The following PRKCA variants were observed in gnomAD, a reference collection of about 807,000 sequenced individuals.
PRKCA encodes protein kinase C alpha type.
A neutral mutation model predicts 87.0 loss-of-function variants in PRKCA; 27 were observed. The ratio of observed to expected loss-of-function variants is 0.31; its 90% CI spans 0.23 to 0.43. The LOEUF (loss-of-function observed/expected upper bound fraction) is 0.43, where lower values mean the gene tolerates loss of function less well. PRKCA is among the 20% of genes least tolerant of loss of function. The pLI, the probability that PRKCA is intolerant of heterozygous loss-of-function variation, is 1.00. For synonymous variants in PRKCA, 329 were observed against 311.1 expected (o/e 1.06, Z -0.61); for missense variants, 518 against 852.3 (o/e 0.61, Z 4.88).
intron 16 of PRKCA, 64 bp downstream of exon 16, chr17:66,789,043 T>G (rs1197762771): frequency 2.5e-5 from 40 of 1,587,142 alleles, no homozygotes; most frequent in Non-Finnish European, 3.3e-5. Context: ...AGTATCCCAC[T>G]CACCTCTTTT....
At chr17:66,468,961 C>T (rs534511877) in intron 2 of PRKCA, among the ~76,000 whole-genome samples, 1 of 152,308 alleles carries the variant, frequency 6.6e-6, no homozygotes, top group South Asian at 2.1e-4. Flanking sequence ...CCTTCTGGGC[C>T]ACCACTTTCA....
intron 3 of PRKCA, among the ~76,000 whole-genome samples, chr17:66,575,535 G>A (rs1019203373): frequency 7.9e-5 from 12 of 152,126 alleles, no homozygotes; most frequent in Non-Finnish European, 1.3e-4. Flanking sequence ...AGCCGAGATC[G>A]CATCCTTGCA....
chr17:66,452,415 C>A (rs1914371336), intron 2 of PRKCA, among the ~76,000 whole-genome samples: 2 of 152,142 alleles, frequency 1.3e-5, no homozygotes, highest in Admixed American at 1.3e-4. Context: ...GAAGACAGAA[C>A]TAGGGAAGAA....
At chr17:66,736,196 A>G (rs1217598561) in intron 10 of PRKCA, among the ~76,000 whole-genome samples, 1 of 150,124 alleles carries the variant, frequency 6.7e-6, no homozygotes, top group Non-Finnish European at 1.5e-5. Flanking sequence ...TTCAGCAAAC[A>G]TTTCCATGAA....
chr17:66,392,153 C>A (rs1390100498), intron 2 of PRKCA, among the ~76,000 whole-genome samples: 2 of 151,752 alleles, frequency 1.3e-5, no homozygotes, highest in Non-Finnish European at 2.9e-5. Context: ...TGGTGTGAAC[C>A]CGGGAGGCGG....
chr17:66,735,408 C>T (rs879529450), intron 9 of PRKCA, 81 bp from the exon 10 acceptor site: 13 of 1,441,806 alleles, frequency 9.0e-6, no homozygotes, highest in East Asian at 2.3e-5. Flanking sequence ...GTCACTGAGC[C>T]GTCACCTGGC....
intron 2 of PRKCA, among the ~76,000 whole-genome samples, chr17:66,344,272 C>T (rs1011405112): frequency 6.6e-6 from 1 of 152,218 alleles, no homozygotes. Context: ...CATTCAGTCT[C>T]TTAATTCCTT....
intron 3 of PRKCA, among the ~76,000 whole-genome samples, chr17:66,500,839 A>G (rs1173014095): frequency 6.6e-6 from 1 of 152,228 alleles, no homozygotes; most frequent in Non-Finnish European, 1.5e-5. Flanking sequence ...CCAATAAAAA[A>G]TGCCTGCTGG....
intron 2 of PRKCA, among the ~76,000 whole-genome samples, chr17:66,461,074 T>C (rs2319527): frequency 0.48 from 72,095 of 151,578 alleles, 18,336 homozygotes; most frequent in African/African-American, 0.65. Flanking sequence ...GGTGTGATAG[T>C]ACACGCCTGT....
chr17:66,710,880 A>C (rs1228120720), intron 8 of PRKCA, among the ~76,000 whole-genome samples: 1 of 151,718 alleles, frequency 6.6e-6, no homozygotes, highest in Non-Finnish European at 1.5e-5. Context: ...AAAACAAAAA[A>C]AAAAATACAA....
intron 3 of PRKCA, among the ~76,000 whole-genome samples, chr17:66,537,183 T>C (rs1317060415): frequency 6.6e-6 from 1 of 152,196 alleles, no homozygotes; most frequent in Non-Finnish European, 1.5e-5. Context: ...AAAACCACGG[T>C]ATTTCAGTCC....
At chr17:66,514,888 T>C (rs1198965499) in intron 3 of PRKCA, among the ~76,000 whole-genome samples, 2 of 152,166 alleles carry the variant, frequency 1.3e-5, no homozygotes, top group African/African-American at 4.8e-5. Flanking sequence ...TTCTGGTTTA[T>C]CTGGATGGTT....
chr17:66,596,571 CTTTTTTTTT>C (rs10582567), intron 3 of PRKCA, among the ~76,000 whole-genome samples: 1 of 113,872 alleles, frequency 8.8e-6, no homozygotes, highest in Admixed American at 9.5e-5. Flanking sequence ...AATATTAAAC[CTTTTTTTTT>C]TTTTTTTTTT....
Position 66,496,556 on chromosome 17 carries a change from C to T in PRKCA, c.288+273C>T, listed in dbSNP as rs184177153. Among the ~76,000 whole-genome samples, 971 of 152,304 alleles carry T rather than the reference C, an allele frequency of 6.4e-3. 30 individuals are homozygous for T. Among genetic ancestry groups the T allele is most frequent in the Admixed American group, 0.055 (841 of 15,286 alleles). On this transcript the variant is annotated intron_variant, in intron 3 of 16. Transcript: ENST00000413366. Reference sequence around the variant, plus strand: ...AAATCCACCAAATTTATTGTAATAGCTTTCACAAACACAATGCAGTTGTTG... The same window carrying T: ...AAATCCACCAAATTTATTGTAATAGTTTTCACAAACACAATGCAGTTGTTG...
chr17:66,602,645 G>A (rs979105316), intron 3 of PRKCA, among the ~76,000 whole-genome samples: 1 of 152,224 alleles, frequency 6.6e-6, no homozygotes, highest in Non-Finnish European at 1.5e-5. Context: ...TGTATTATGA[G>A]GGATGTTGTA....
Position 66,804,947 on chromosome 17 carries a change from T to C in PRKCA, c.*910T>C, listed in dbSNP as rs985895201. On this transcript the variant is annotated 3_prime_UTR_variant, in exon 17 of 17. Transcript: ENST00000413366. Reference sequence around the variant, plus strand: ...CACACCAACATTTTGCTGCCTACCTTGTTATCCTTCTCAAGAAGCTGAAGT... The same window carrying C: ...CACACCAACATTTTGCTGCCTACCTCGTTATCCTTCTCAAGAAGCTGAAGT... The C allele has an allele frequency of 2.1e-6, 2 of 973,232 alleles. No individual in the cohort carries two copies. Among genetic ancestry groups the C allele is most frequent in the South Asian group, 4.8e-5 (1 of 21,022 alleles). The allele number at this position is 973,232 out of a possible 1,614,324, so 60.3% of individuals were successfully genotyped here.
intron 13 of PRKCA, among the ~76,000 whole-genome samples, chr17:66,742,962 A>G (rs1215305599): frequency 3.3e-5 from 5 of 152,228 alleles, no homozygotes; most frequent in Non-Finnish European, 5.9e-5. Context: ...TGCTTCCTGG[A>G]ACTGTTGTTT....
chr17:66,655,662 C>G (rs1032440687), intron 5 of PRKCA, among the ~76,000 whole-genome samples: 1 of 152,042 alleles, frequency 6.6e-6, no homozygotes, highest in African/African-American at 2.4e-5. Flanking sequence ...TCTCCTGTAC[C>G]CAGCCCAGTG....
At chr17:66,376,123 G>A (rs73324184) in intron 2 of PRKCA, among the ~76,000 whole-genome samples, 2,627 of 152,294 alleles carry the variant, frequency 0.017, 76 homozygotes, top group African/African-American at 0.059. Flanking sequence ...TGGAAACACT[G>A]TTTCCTAGGT....
Sources: gnomAD v4.1 joint callset for allele counts (sites outside exome capture counted in the v4.1 genomes callset) on GRCh38, gnomAD v4.1.1 for gene constraint, MANE v1.5 for transcripts, NCBI Gene and HGNC (gene_info 2026-07-23, HGNC 2026-07-21) for gene names.